Variants in PIAS1 observed in about 807,000 individuals in gnomAD.
PIAS1 encodes the protein E3 SUMO-protein ligase PIAS1.
A neutral mutation model predicts 71.3 loss-of-function variants in PIAS1; 6 were observed. The ratio of observed to expected loss-of-function variants is 0.08; its 90% CI spans 0.05 to 0.17. PIAS1 has a LOEUF of 0.17. Ranked by LOEUF, PIAS1 falls within the 10% of genes least tolerant of loss-of-function variation. The pLI, the probability that PIAS1 is intolerant of heterozygous loss-of-function variation, is 1.00. For missense variants in PIAS1, 555 were observed against 793.6 expected, an observed-to-expected ratio of 0.70 and a Z score of 3.61; for synonymous variants, 303 against 292.9, an observed-to-expected ratio of 1.03 and a Z score of -0.35.
intron 6 of PIAS1, among the ~76,000 whole-genome samples, chr15:68,146,926 G>A (rs1374464038): frequency 6.6e-6 from 1 of 152,076 alleles, no homozygotes; most frequent in African/African-American, 2.4e-5. Context: ...ATGTCCTCCT[G>A]TATCATCACA....
At position 68,174,973 on chromosome 15, in the gene PIAS1, T is replaced by A. The variant is rs2093012737; in HGVS notation, c.1170-664T>A. Among the ~76,000 whole-genome samples the A allele has an allele frequency of 6.6e-6, 1 of 152,196 alleles. No individual in the cohort carries two copies. The highest frequency in any genetic ancestry group is 6.5e-5 in the Admixed American group (1 of 15,276). On this transcript the variant is annotated intron_variant, in intron 9 of 13. Coordinates refer to ENST00000249636, the MANE Select transcript of PIAS1 (RefSeq NM_016166.3). This position sits in a 1 kb window ranked among gnomAD's most constrained non-coding sequence, Gnocchi z 4.0. Reference sequence around the variant, plus strand: ...GTTACATAGCTTTAGGTTCTCCCATTTCTTGTTATAAAAGCCATGTACACA... The same window carrying A: ...GTTACATAGCTTTAGGTTCTCCCATATCTTGTTATAAAAGCCATGTACACA...
At chr15:68,141,021 T>TA (rs1222068784) in intron 2 of PIAS1, among the ~76,000 whole-genome samples, 13 of 151,904 alleles carry the variant, frequency 8.6e-5, no homozygotes, top group Non-Finnish European at 1.5e-4. Flanking sequence ...AACCACTGTT[T>TA]TAAAAAAAAA....
At position 68,178,692 on chromosome 15, in the gene PIAS1, T is replaced by C. The variant is rs1286155868; in HGVS notation, c.1481+2038T>C. On this transcript the variant is annotated intron_variant, in intron 11 of 13. Coordinates refer to ENST00000249636, the MANE Select transcript of PIAS1 (RefSeq NM_016166.3). The surrounding 1 kb of genome is among the most constrained non-coding windows in gnomAD (Gnocchi z 4.2). ...CATAAACCTCTGGATATATAAATAC[T>C]TTTGGGCTAAATGCATCATAATATA... Among the ~76,000 whole-genome samples, 1 of 152,180 alleles carries C rather than the reference T, an allele frequency of 6.6e-6. No individual in the cohort carries two copies. Among genetic ancestry groups the C allele is most frequent in the Admixed American group, 6.5e-5 (1 of 15,270 alleles).
At chr15:68,143,587 G>A (rs920641554) in intron 4 of PIAS1, among the ~76,000 whole-genome samples, 1 of 152,004 alleles carries the variant, frequency 6.6e-6, no homozygotes, top group Non-Finnish European at 1.5e-5. Context: ...ATTTTATGTC[G>A]GCCAGATTGT....
At chr15:68,091,145 TTGA>T (rs1487689199) in intron 2 of PIAS1, among the ~76,000 whole-genome samples, 2 of 152,184 alleles carry the variant, frequency 1.3e-5, no homozygotes, top group African/African-American at 4.8e-5. Context: ...AATATTGGTG[TTGA>T]TGAGGTGTGA....
At chr15:68,102,621 A>C (rs1432407936) in intron 2 of PIAS1, among the ~76,000 whole-genome samples, 1 of 152,094 alleles carries the variant, frequency 6.6e-6, no homozygotes, top group African/African-American at 2.4e-5. Context: ...AATTTTATTC[A>C]TCAGCATTTT....
intron 2 of PIAS1, among the ~76,000 whole-genome samples, chr15:68,116,173 G>A (rs1361184009): frequency 6.6e-6 from 1 of 151,524 alleles, no homozygotes; most frequent in East Asian, 1.9e-4. Flanking sequence ...TGTAGGGTTG[G>A]TATTATTTTT....
intron 7 of PIAS1, among the ~76,000 whole-genome samples, chr15:68,160,209 CTT>C (rs927940661): frequency 6.6e-6 from 1 of 152,152 alleles, no homozygotes; most frequent in Non-Finnish European, 1.5e-5. Flanking sequence ...CAAACACTCT[CTT>C]CTATTTTTCT....
chr15:68,090,914 T>C (rs1178100957), intron 2 of PIAS1, among the ~76,000 whole-genome samples: 1 of 139,332 alleles, frequency 7.2e-6, no homozygotes, highest in African/African-American at 2.7e-5. Context: ...ATTCTTTTTG[T>C]TAGTCATTTA....
chr15:68,154,692 G>C (rs561624442), intron 7 of PIAS1, among the ~76,000 whole-genome samples: 14 of 152,210 alleles, frequency 9.2e-5, no homozygotes, highest in Admixed American at 3.9e-4. Flanking sequence ...TATTAAAATG[G>C]TCCTTTAAAA....
chr15:68,171,337 A>G lies in PIAS1; in HGVS notation c.1009-2395A>G, dbSNP rs1248058853. On this transcript the variant is annotated intron_variant, in intron 8 of 13. Coordinates refer to ENST00000249636, the MANE Select transcript of PIAS1 (RefSeq NM_016166.3). This position sits in a 1 kb window ranked among gnomAD's most constrained non-coding sequence, Gnocchi z 4.4. ...ACCTGCCTGAGGCTGTTTTACAGTT[A>G]ACTTTTAAAATATATATAAGTAAAG... 4.6e-5 allele frequency among the ~76,000 whole-genome samples: 7 copies of G among 152,218 alleles called. No individual in the cohort carries two copies. Among genetic ancestry groups the G allele is most frequent in the Non-Finnish European group, 8.8e-5 (6 of 68,038 alleles).
intron 1 of PIAS1, among the ~76,000 whole-genome samples, chr15:68,063,053 T>G (rs1251037365): frequency 1.3e-5 from 2 of 152,212 alleles, no homozygotes; most frequent in Non-Finnish European, 2.9e-5. Flanking sequence ...ATTGCCACAT[T>G]TAATGTAACC....
At chr15:68,127,092 A>G (rs1487911188) in intron 2 of PIAS1, among the ~76,000 whole-genome samples, 1 of 151,744 alleles carries the variant, frequency 6.6e-6, no homozygotes, top group African/African-American at 2.4e-5. Flanking sequence ...TGCTGGGCTA[A>G]TTTTTGTATG....
At chr15:68,110,603 G>GA (rs202167069) in intron 2 of PIAS1, among the ~76,000 whole-genome samples, 1,775 of 150,738 alleles carry the variant, frequency 0.012, 32 homozygotes, top group African/African-American at 0.04. Context: ...TCTCCAAAAA[G>GA]AAAAAAAAAT....
chr15:68,122,847 C>T (rs1211353893), intron 2 of PIAS1, among the ~76,000 whole-genome samples: 1 of 152,096 alleles, frequency 6.6e-6, no homozygotes. Flanking sequence ...AATGCAGTAT[C>T]TGCAGTGATT....
intron 2 of PIAS1, among the ~76,000 whole-genome samples, chr15:68,092,310 G>A (rs888063926): frequency 6.6e-6 from 1 of 151,966 alleles, no homozygotes; most frequent in Non-Finnish European, 1.5e-5. Context: ...TAGCTGGGAC[G>A]ACAGGCAGGA....
chr15:68,164,681 CT>C, intron 7 of PIAS1, 49 bp from the exon 8 acceptor site: 1 of 1,022,126 alleles, frequency 9.8e-7, no homozygotes, highest in South Asian at 1.4e-5. Flanking sequence ...AGTAATGTAT[CT>C]TTAATAAAAC....
intron 2 of PIAS1, among the ~76,000 whole-genome samples, chr15:68,111,162 T>G (rs1038402084): frequency 6.6e-6 from 1 of 152,226 alleles, no homozygotes; most frequent in Non-Finnish European, 1.5e-5. Context: ...CTTTTAGGCC[T>G]TCTCATTTTA....
intron 7 of PIAS1, among the ~76,000 whole-genome samples, chr15:68,155,809 G>A (rs1382769688): frequency 6.6e-6 from 1 of 152,122 alleles, no homozygotes; most frequent in Non-Finnish European, 1.5e-5. Context: ...TCTTAATCAA[G>A]TTTCTTTCTC....
Sources: allele counts gnomAD v4.1 joint callset (sites outside exome capture counted in the v4.1 genomes callset), GRCh38; gene constraint gnomAD v4.1.1; non-coding constraint Gnocchi (gnomAD v3.1); transcripts MANE v1.5; gene names NCBI Gene and HGNC (gene_info 2026-07-23, HGNC 2026-07-21).